Variants in MAP4K4 observed in about 807,000 individuals in gnomAD.
The protein encoded by MAP4K4 is HPK/GCK-like kinase HGK.
In MAP4K4, 38 loss-of-function variants were observed where a neutral mutation model predicts 189.6. That is an observed-to-expected ratio of 0.20 (90% CI 0.15 to 0.26). MAP4K4 has a LOEUF of 0.26. Among genes scored for constraint, MAP4K4 ranks in the 10% least tolerant of loss-of-function variants. MAP4K4 has a pLI of 1.00. For synonymous variants in MAP4K4, 610 were observed against 624.3 expected (o/e 0.98, Z 0.34); for missense variants, 1,054 against 1,726.9 (o/e 0.61, Z 6.91).
At chr2:101,724,356 CT>C (rs1559101739) in intron 2 of MAP4K4, among the ~76,000 whole-genome samples, 1 of 152,152 alleles carries the variant, frequency 6.6e-6, no homozygotes. Flanking sequence ...GATTAGTTAT[CT>C]TGAGCCAGAT....
At chr2:101,760,906 G>A (rs1482936284) in intron 2 of MAP4K4, among the ~76,000 whole-genome samples, 2 of 152,168 alleles carry the variant, frequency 1.3e-5, no homozygotes, top group Non-Finnish European at 2.9e-5. Flanking sequence ...GGGAGGCTGA[G>A]GCAGCAGAAT....
At position 101,888,796 on chromosome 2, in the gene MAP4K4, C is replaced by CAT; in HGVS notation, c.3937_3938dup (p.Arg1314PhefsTer14). ...TTTGCAATTTTTCCCTCCCCAAAAG[C>CAT]ATATATTCGATCCAATCAGACAATG... On this transcript the variant is annotated frameshift_variant and splice_region_variant, in exon 32 of 33. Transcript: ENST00000324219. LOFTEE classifies it high-confidence loss of function. The CAT allele has an allele frequency of 6.2e-7, 1 of 1,604,400 alleles. No homozygotes were observed. The highest frequency in any genetic ancestry group is 8.5e-7 in the Non-Finnish European group (1 of 1,176,144).
chr2:101,727,519 A>G (rs968463949), intron 2 of MAP4K4, among the ~76,000 whole-genome samples: 1 of 152,254 alleles, frequency 6.6e-6, no homozygotes, highest in African/African-American at 2.4e-5. Context: ...TTTTTGTCCA[A>G]CATAGATTAC....
intron 3 of MAP4K4, chr2:101,797,208 C>A (rs1177106153): frequency 2.3e-6 from 3 of 1,283,080 alleles, no homozygotes; most frequent in Non-Finnish European, 3.0e-6. Flanking sequence ...AAGGAGAGAT[C>A]TCTGTGGCCT....
chr2:101,752,943 A>G (rs1309316286), intron 2 of MAP4K4, among the ~76,000 whole-genome samples: 1 of 152,200 alleles, frequency 6.6e-6, no homozygotes, highest in Non-Finnish European at 1.5e-5. Flanking sequence ...GCAGATAGTC[A>G]TGGCATTCAA....
At chr2:101,829,166 C>T (rs931066638) in intron 5 of MAP4K4, among the ~76,000 whole-genome samples, 3 of 152,134 alleles carry the variant, frequency 2.0e-5, no homozygotes, top group African/African-American at 2.4e-5. Context: ...AGACATTTAG[C>T]GTGGGAAAGG....
In MAP4K4 at chr2:101,846,471, G is replaced by A. The variant is rs980269047; in HGVS notation, c.1233+2160G>A. Among the ~76,000 whole-genome samples, 5 of 152,142 alleles carry A rather than the reference G, an allele frequency of 3.3e-5. No homozygotes were observed. The East Asian group carries it at 9.6e-4, about 29-fold the overall frequency. ...CAAGTTAGCACTCATTTGTAACACAGGCACTGGAAATGTCTTTCAGGCTGT... is the reference window on the plus strand; with the variant it reads ...CAAGTTAGCACTCATTTGTAACACAAGCACTGGAAATGTCTTTCAGGCTGT... On this transcript the variant is annotated intron_variant, in intron 12 of 32. Coordinates refer to ENST00000324219, the Ensembl canonical transcript of MAP4K4.
At chr2:101,764,634 A>T (rs968643994) in intron 2 of MAP4K4, among the ~76,000 whole-genome samples, 2 of 152,180 alleles carry the variant, frequency 1.3e-5, no homozygotes, top group African/African-American at 4.8e-5. Context: ...CATTGTTATT[A>T]ATCATCTAAT....
At chr2:101,755,929 CTTTTTTTTTTT>C (rs57392183) in intron 2 of MAP4K4, among the ~76,000 whole-genome samples, 33 of 57,746 alleles carry the variant, frequency 5.7e-4, no homozygotes, top group Admixed American at 3.1e-3. Flanking sequence ...AGTTCTTTTT[CTTTTTTTTTTT>C]TTTTTTTTTT....
intron 2 of MAP4K4, among the ~76,000 whole-genome samples, chr2:101,758,086 C>T (rs576493568): frequency 6.6e-6 from 1 of 152,286 alleles, no homozygotes; most frequent in African/African-American, 2.4e-5. Flanking sequence ...AATATGGGCT[C>T]TCTCAAAATA....
chr2:101,755,950 TTTTTTTTTG>T (rs2072454018), intron 2 of MAP4K4, among the ~76,000 whole-genome samples: 1 of 136,368 alleles, frequency 7.3e-6, no homozygotes, highest in African/African-American at 2.8e-5. Context: ...TTTTTTTTTT[TTTTTTTTTG>T]AGACAGCGTC....
At chr2:101,737,749 A>C (rs1479276777) in intron 2 of MAP4K4, among the ~76,000 whole-genome samples, 1 of 151,768 alleles carries the variant, frequency 6.6e-6, no homozygotes, top group Non-Finnish European at 1.5e-5. Flanking sequence ...AAAAGGAAAA[A>C]AACCCTGTCA....
chr2:101,747,691 G>GCCCCCC (rs200723678), intron 2 of MAP4K4, among the ~76,000 whole-genome samples: 1 of 151,694 alleles, frequency 6.6e-6, no homozygotes, highest in Admixed American at 6.6e-5. Flanking sequence ...TTTTTTCCCT[G>GCCCCCC]CCCCCCCTTC....
At chr2:101,721,028 C>T (rs2051580061) in intron 2 of MAP4K4, among the ~76,000 whole-genome samples, 1 of 152,160 alleles carries the variant, frequency 6.6e-6, no homozygotes, top group African/African-American at 2.4e-5. Context: ...TAGCGCTACT[C>T]ATAGGATTTT....
intron 2 of MAP4K4, among the ~76,000 whole-genome samples, chr2:101,723,017 G>A (rs542219554): frequency 2.0e-5 from 3 of 152,292 alleles, no homozygotes; most frequent in South Asian, 2.1e-4. Flanking sequence ...AAATCATGGC[G>A]GAAGGCAAAG....
At chr2:101,853,510 A>G (rs145009001) in intron 12 of MAP4K4, among the ~76,000 whole-genome samples, 4 of 152,288 alleles carry the variant, frequency 2.6e-5, no homozygotes, top group Non-Finnish European at 5.9e-5. Context: ...GGACACAAGG[A>G]AAACTTACAG....
chr2:101,794,251 A>G (rs1246589897), intron 3 of MAP4K4, among the ~76,000 whole-genome samples: 1 of 152,318 alleles, frequency 6.6e-6, no homozygotes, highest in East Asian at 1.9e-4. Context: ...GGTCTCATGT[A>G]CCGTTCATTC....
chr2:101,886,799 T>C (rs2098491290), intron 29 of MAP4K4, among the ~76,000 whole-genome samples: 1 of 152,058 alleles, frequency 6.6e-6, no homozygotes, highest in Admixed American at 6.6e-5. Flanking sequence ...TCCAGCACTT[T>C]GGGAGGTCGA....
chr2:101,868,084 C>T (rs763434098), intron 21 of MAP4K4, 47 bp downstream of exon 21: 23 of 1,602,384 alleles, frequency 1.4e-5, no homozygotes, highest in East Asian at 4.5e-5. Context: ...GCACTCCGAC[C>T]GCCTGTCAGC....
Sources: allele counts gnomAD v4.1 joint callset (sites outside exome capture counted in the v4.1 genomes callset), GRCh38; gene constraint gnomAD v4.1.1; transcripts MANE v1.5; gene names NCBI Gene and HGNC (gene_info 2026-07-23, HGNC 2026-07-21).